KCNT1: variants seen among roughly 807,000 people sequenced by gnomAD.
KCNT1 encodes potassium channel subfamily T member 1.
A neutral mutation model predicts 147.8 loss-of-function variants in KCNT1; 78 were observed. The ratio of observed to expected loss-of-function variants is 0.53; its 90% confidence interval spans 0.44 to 0.64. The LOEUF is 0.64. Among genes scored for constraint, KCNT1 ranks in the 30% least tolerant of loss-of-function variants. KCNT1 has a pLI of 0.00. For synonymous variants in KCNT1, 867 were observed against 748.8 expected, an observed-to-expected ratio of 1.16 and a Z score of -2.58; for missense variants, 1,419 against 1,750.3, an observed-to-expected ratio of 0.81 and a Z score of 3.38.
intron 2 of KCNT1, among the ~76,000 whole-genome samples, chr9:135,718,421 G>A (rs758836500): frequency 2.5e-4 from 38 of 152,226 alleles, no homozygotes; most frequent in Non-Finnish European, 4.6e-4. Flanking sequence ...GTAGAGGGGA[G>A]GGGACACTGG....
intron 1 of KCNT1, among the ~76,000 whole-genome samples, chr9:135,708,253 T>C (rs754380425): frequency 2.0e-5 from 3 of 152,188 alleles, no homozygotes; most frequent in Non-Finnish European, 4.4e-5. Flanking sequence ...TGCACATGTA[T>C]ACATATGCCC....
At chr9:135,721,639 G>C (rs1364192887) in intron 2 of KCNT1, among the ~76,000 whole-genome samples, 1 of 152,232 alleles carries the variant, frequency 6.6e-6, no homozygotes, top group Non-Finnish European at 1.5e-5. Context: ...ATTGAGTCAA[G>C]GTCTGGTTTA....
chr9:135,707,916 G>T (rs1835321586), intron 1 of KCNT1, among the ~76,000 whole-genome samples: 1 of 152,204 alleles, frequency 6.6e-6, no homozygotes, highest in African/African-American at 2.4e-5. Flanking sequence ...AGGAGATGGT[G>T]CTGAGCAGCC....
At position 135,763,840 on chromosome 9, in the gene KCNT1, G is replaced by A. The variant is rs377066234; in HGVS notation, c.1036-1191G>A. ...TCATTAGCTCCTTCATCCTCACGGC[G>A]GCCCTGGAGGGTTGCCGTGCCATGC... On this transcript the variant is annotated intron_variant, in intron 11 of 30. Coordinates refer to ENST00000371757, the MANE Select transcript of KCNT1 (RefSeq NM_020822.3). 4.6e-4 allele frequency among the ~76,000 whole-genome samples: 70 copies of A among 152,184 alleles called. No homozygotes were observed. The East Asian group carries it at 7.7e-3, about 17-fold the overall frequency.
At chr9:135,717,563 G>A (rs1050184761) in intron 2 of KCNT1, among the ~76,000 whole-genome samples, 8 of 152,142 alleles carry the variant, frequency 5.3e-5, no homozygotes, top group Non-Finnish European at 7.4e-5. Context: ...GCAACTTTCC[G>A]GGGGCGCAGG....
rs549414948 is a variant in KCNT1, at chr9:135,794,757, C to T, written c.*2596C>T. The T allele has an allele frequency of 6.6e-6, 1 of 152,160 alleles. No homozygotes were observed. Among genetic ancestry groups the T allele is most frequent in the Admixed American group, 6.5e-5 (1 of 15,270 alleles). The allele number at this position is 152,160 out of a possible 1,614,324, so 9.4% of individuals were successfully genotyped here. A position where few individuals can be genotyped will look rare whatever the true frequency, so the allele number is the denominator to read the frequency against. On this transcript the variant is annotated 3_prime_UTR_variant, in exon 31 of 31. Coordinates refer to ENST00000371757, the MANE Select transcript of KCNT1 (RefSeq NM_020822.3). Reference sequence around the variant, plus strand: ...TGCTCTCCTTGGCCTCTGTGTTCTTCATCTCCAGGTTTAGGGAGCACCCGG... The same window carrying T: ...TGCTCTCCTTGGCCTCTGTGTTCTTTATCTCCAGGTTTAGGGAGCACCCGG...
intron 2 of KCNT1, among the ~76,000 whole-genome samples, chr9:135,733,738 G>T (rs577056700): frequency 3.7e-4 from 55 of 148,772 alleles, no homozygotes; most frequent in Non-Finnish European, 6.5e-4. Context: ...CCACTGCTGA[G>T]CCGGAGACCC....
chr9:135,706,882 G>T (rs1206660542), intron 1 of KCNT1, among the ~76,000 whole-genome samples: 3 of 152,150 alleles, frequency 2.0e-5, no homozygotes, highest in Admixed American at 6.5e-5. Context: ...CAGGGTACGG[G>T]CCCCTAGATG....
intron 11 of KCNT1, among the ~76,000 whole-genome samples, 172 bp downstream of exon 11, chr9:135,760,031 C>T (rs994741507): frequency 5.3e-5 from 8 of 152,146 alleles, no homozygotes; most frequent in Non-Finnish European, 7.4e-5. Context: ...TGAGGGTCTA[C>T]GGCGGGTCCG....
intron 24 of KCNT1, among the ~76,000 whole-genome samples, chr9:135,781,656 TGAA>T (rs1833617635): frequency 6.7e-6 from 1 of 148,874 alleles, no homozygotes; most frequent in Non-Finnish European, 1.5e-5. Flanking sequence ...AAAAAAAAAT[TGAA>T]GAAAAGTTAC....
rs777870376 is a variant in KCNT1 at position 135,768,667 on chromosome 9, G to A, written c.1395G>A (p.Thr465=). 126 of 1,550,234 alleles carry A rather than the reference G, an allele frequency of 8.1e-5. No homozygotes were observed. The East Asian group carries it at 1.0e-3, about 12-fold the overall frequency. The stretch of plus-strand genomic sequence containing the variant: ...GCAGCAGGAACGAGGTGGACCGCAC[G>A]GCTGCAGTGAGTGAGGCTGAGGCCC... ...ILSSRNEVDR[T]AADHQTILRA... Residue 465 remains threonine, a synonymous_variant, in exon 14 of 31, where the codon ACG becomes ACA. Transcript: ENST00000371757.
chr9:135,755,154 A>G lies in KCNT1; in HGVS notation c.525A>G (p.Thr175=), dbSNP rs1554770181. 1.9e-6 allele frequency: 3 copies of G among 1,611,894 alleles called. No homozygotes were observed. In the South Asian group the frequency reaches 3.3e-5, roughly 18 times the overall value. The change falls in exon 6 of 31, where the codon ACA becomes ACG. Residue 175 remains threonine, a synonymous_variant. Coordinates refer to ENST00000371757, the MANE Select transcript of KCNT1 (RefSeq NM_020822.3). Reference sequence around the variant, plus strand: ...TTCTGTGGGTGGAGAGAAAGATGACACTGTGGGCGATCCAGGTGAGTGCCC... The same window carrying G: ...TTCTGTGGGTGGAGAGAAAGATGACGCTGTGGGCGATCCAGGTGAGTGCCC... ...APILWVERKM[T]LWAIQVIVAI...
chr9:135,715,302 G>A (rs946997043), intron 2 of KCNT1, among the ~76,000 whole-genome samples: 3 of 152,232 alleles, frequency 2.0e-5, no homozygotes, highest in Non-Finnish European at 4.4e-5. Context: ...TAATTCATCC[G>A]CTGAGGGGGC....
At chr9:135,729,373 G>T (rs1264482492) in intron 2 of KCNT1, among the ~76,000 whole-genome samples, 1 of 152,260 alleles carries the variant, frequency 6.6e-6, no homozygotes, top group Non-Finnish European at 1.5e-5. Flanking sequence ...CAAGAAAGGG[G>T]GTCCTCTGTC....
At chr9:135,744,055 G>A (rs116955651) in intron 2 of KCNT1, among the ~76,000 whole-genome samples, 2,032 of 152,220 alleles carry the variant, frequency 0.013, 75 homozygotes, top group East Asian at 0.11. Context: ...AGAGCCAGCC[G>A]GCACCCAGCC....
At chr9:135,769,838 G>A (rs1832621904) in intron 15 of KCNT1, 109 bp from the exon 16 acceptor site, 6 of 739,700 alleles carry the variant, frequency 8.1e-6, no homozygotes, top group Non-Finnish European at 1.1e-5. Context: ...ACACGGGGGT[G>A]CCAGGCAAGG....
At chr9:135,755,009 C>A in intron 5 of KCNT1, 112 bp from the exon 6 acceptor site, 3 of 914,502 alleles carry the variant, frequency 3.3e-6, no homozygotes, top group Non-Finnish European at 4.8e-6. Flanking sequence ...CCCCAATGAG[C>A]AGCACATGCT....
chr9:135,727,857 A>T (rs111382720), intron 2 of KCNT1, among the ~76,000 whole-genome samples: 7 of 152,334 alleles, frequency 4.6e-5, no homozygotes, highest in African/African-American at 1.7e-4. Context: ...GACCGTCCCA[A>T]TCTGCAGCCT....
chr9:135,720,203 C>T (rs1012979170), intron 2 of KCNT1, among the ~76,000 whole-genome samples: 2 of 151,952 alleles, frequency 1.3e-5, no homozygotes, highest in African/African-American at 4.8e-5. Context: ...CCCGACCCTA[C>T]CCCACAGTGA....
Sources: gnomAD v4.1 joint callset for allele counts (sites outside exome capture counted in the v4.1 genomes callset) on GRCh38, gnomAD v4.1.1 for gene constraint, MANE v1.5 for transcripts, NCBI Gene and HGNC (gene_info 2026-07-23, HGNC 2026-07-21) for gene names.